NUGGC: variants seen among roughly 807,000 people sequenced by gnomAD.
NUGGC encodes the protein nuclear GTPase, germinal center associated, also known as nuclear GTPase SLIP-GC.
NUGGC carries 58 observed loss-of-function variants against 92.6 expected under a neutral mutation model. The ratio of observed to expected loss-of-function variants is 0.63; its 90% confidence interval spans 0.51 to 0.78. The LOEUF is 0.78. NUGGC is among the 30% of genes least tolerant of loss of function. NUGGC has a pLI of 0.00. For missense variants in NUGGC, 925 were observed against 964.6 expected, an observed-to-expected ratio of 0.96 and a Z score of 0.54; for synonymous variants, 376 against 366.4, an observed-to-expected ratio of 1.03 and a Z score of -0.30.
chr8:28,038,690 T>C (rs1304658115), intron 13 of NUGGC, among the ~76,000 whole-genome samples: 1 of 152,238 alleles, frequency 6.6e-6, no homozygotes, highest in African/African-American at 2.4e-5. Context: ...TGGGGATTTA[T>C]AGATGTTAAA....
chr8:28,069,632 T>C lies in NUGGC; in HGVS notation c.169A>G (p.Thr57Ala). 1 of 1,608,204 alleles carries C rather than the reference T, an allele frequency of 6.2e-7. No homozygotes were observed. The highest frequency in any genetic ancestry group is 8.5e-7 in the Non-Finnish European group (1 of 1,174,706). ...TAAGTGTTGCTCAAAACCCTTCTGG[T>C]CCGTGATTCCAATTTTTCATCTGGA... is the stretch of plus-strand genomic sequence containing the variant. ...LKEYEKLESR[T>A]RRVLSNTYQK... Residue 57 changes from threonine to alanine, a missense_variant, in exon 4 of 19, where the codon ACC (threonine) becomes GCC (alanine). Coordinates refer to ENST00000413272, the MANE Select transcript of NUGGC (RefSeq NM_001010906.2).
In NUGGC at chr8:28,022,943, C is replaced by T. The variant is rs886092003; in HGVS notation, c.*374G>A. ...AAAATTAACCGGGTGTGGTGGCAGT[C>T]GCCTATAATCCCAGCTACTTGGGAG... On this transcript the variant is annotated 3_prime_UTR_variant, in exon 19 of 19. Transcript: ENST00000413272. The T allele has an allele frequency of 8.7e-5, 14 of 161,192 alleles. No homozygotes were observed. The highest frequency in any genetic ancestry group is 1.8e-4 in the East Asian group (1 of 5,596). 10.0% of individuals were successfully genotyped at this position (161,192 alleles called of 1,614,324 possible). A position where few individuals can be genotyped will look rare whatever the true frequency, so the allele number is the denominator to read the frequency against.
intron 10 of NUGGC, among the ~76,000 whole-genome samples, chr8:28,054,680 C>T (rs937631086): frequency 1.2e-4 from 18 of 152,262 alleles, no homozygotes; most frequent in African/African-American, 3.9e-4. Flanking sequence ...CCTGTGTGAA[C>T]GGTGTTCTTG....
chr8:28,026,815 C>T (rs1809274967), intron 18 of NUGGC, 147 bp downstream of exon 18: 11 of 640,522 alleles, frequency 1.7e-5, no homozygotes, highest in Non-Finnish European at 3.1e-5. Context: ...TCGTCATCAT[C>T]TCCATTCCTT....
intron 1 of NUGGC, among the ~76,000 whole-genome samples, chr8:28,078,713 G>T (rs1354221116): frequency 1.3e-5 from 2 of 152,100 alleles, no homozygotes; most frequent in African/African-American, 4.8e-5. Context: ...GCTTCCGTGT[G>T]GCCAAGAGCA....
At chr8:28,042,767 C>G (rs769583685) in intron 12 of NUGGC, among the ~76,000 whole-genome samples, 1 of 152,150 alleles carries the variant, frequency 6.6e-6, no homozygotes, top group African/African-American at 2.4e-5. Flanking sequence ...GTGGATTGAA[C>G]GAGTGGCCCA....
intron 10 of NUGGC, among the ~76,000 whole-genome samples, chr8:28,052,266 C>A (rs1280905615): frequency 6.6e-6 from 1 of 152,186 alleles, no homozygotes; most frequent in Non-Finnish European, 1.5e-5. Flanking sequence ...CATCTTGCAA[C>A]TGCTGCAGGC....
At chr8:28,061,001 T>G (rs1358340057) in intron 7 of NUGGC, among the ~76,000 whole-genome samples, 2 of 152,190 alleles carry the variant, frequency 1.3e-5, no homozygotes, top group East Asian at 3.9e-4. Flanking sequence ...TCAAGCCCAG[T>G]GCTTGGCACA....
At chr8:28,072,151 A>T (rs1016550246) in intron 2 of NUGGC, among the ~76,000 whole-genome samples, 1 of 152,216 alleles carries the variant, frequency 6.6e-6, no homozygotes, top group Non-Finnish European at 1.5e-5. Flanking sequence ...CTCATGCTCC[A>T]CGCTCAAGCC....
intron 12 of NUGGC, among the ~76,000 whole-genome samples, chr8:28,043,296 A>T (rs1585567273): frequency 6.6e-6 from 1 of 152,380 alleles, no homozygotes; most frequent in East Asian, 1.9e-4. Flanking sequence ...TTCATTTGAC[A>T]TTGAGATGTG....
chr8:28,026,982 C>T lies in NUGGC; in HGVS notation c.2225G>A (p.Gly742Asp), dbSNP rs767566064. The change falls in exon 18 of 19, where the codon GGC (glycine) becomes GAC (aspartate). Residue 742 changes from glycine (G) to aspartate (D), a missense_variant. Coordinates refer to ENST00000413272, the MANE Select transcript of NUGGC (RefSeq NM_001010906.2). ...MLALASSQGD[G>D]LYKELADVGS... is the part of the protein sequence containing the mutation. ...TTTACCTGCAAGCTCCTTGTAGAGGCCATCCCCCTGGGACGAAGCAAGGGC... is the reference window on the plus strand; with the variant it reads ...TTTACCTGCAAGCTCCTTGTAGAGGTCATCCCCCTGGGACGAAGCAAGGGC... 30 of 1,613,080 alleles carry T rather than the reference C, an allele frequency of 1.9e-5. No individual in the cohort carries two copies. The East Asian group carries it at 4.9e-4, about 26-fold the overall frequency.
At chr8:28,028,746 G>A (rs931581396) in intron 17 of NUGGC, among the ~76,000 whole-genome samples, 8 of 152,200 alleles carry the variant, frequency 5.3e-5, no homozygotes, top group African/African-American at 1.9e-4. Flanking sequence ...AATTAAAGCT[G>A]AATGTGTGCT....
chr8:28,073,178 CT>C (rs34656742), intron 2 of NUGGC, among the ~76,000 whole-genome samples: 50 of 132,792 alleles, frequency 3.8e-4, no homozygotes, highest in Non-Finnish European at 4.7e-4. Flanking sequence ...ATTTTTTTTT[CT>C]TTTTTTTTTT....
intron 1 of NUGGC, among the ~76,000 whole-genome samples, chr8:28,075,147 G>C (rs1293096448): frequency 1.3e-5 from 2 of 152,168 alleles, no homozygotes; most frequent in Non-Finnish European, 2.9e-5. Flanking sequence ...AATCTGGGAG[G>C]TGGAACATTA....
intron 9 of NUGGC, among the ~76,000 whole-genome samples, chr8:28,057,330 C>CTTTTT (rs57167648): frequency 4.8e-4 from 59 of 123,992 alleles, no homozygotes; most frequent in African/African-American, 1.0e-3. Context: ...ATTTTCTTTC[C>CTTTTT]TTTTTTTTTT....
In NUGGC at chr8:28,061,605, C is replaced by T. The variant is rs17058550; in HGVS notation, c.922-1004G>A. Among the ~76,000 whole-genome samples, 366 of 152,318 alleles carry T rather than the reference C, an allele frequency of 2.4e-3. 6 individuals are homozygous for T. Among genetic ancestry groups the T allele is most frequent in the East Asian group, 0.019 (97 of 5,178 alleles). On this transcript the variant is annotated intron_variant, in intron 7 of 18. Transcript: ENST00000413272. The stretch of plus-strand genomic sequence containing the variant: ...CTCCAATTTGTGATGATTCAGCTTA[C>T]AATTTTTCTTTTCGACTTTACAATG...
At chr8:28,060,286 G>A in intron 8 of NUGGC, 140 bp downstream of exon 8, 1 of 868,726 alleles carries the variant, frequency 1.2e-6, no homozygotes. Flanking sequence ...AAGTCACCCA[G>A]CCTTTTCTTT....
chr8:28,041,012 T>C (rs1351728442), intron 13 of NUGGC, 39 bp downstream of exon 13: 3 of 1,556,812 alleles, frequency 1.9e-6, no homozygotes, highest in Non-Finnish European at 2.6e-6. Flanking sequence ...CGGGCAGGCC[T>C]CCTGGAATAT....
intron 15 of NUGGC, 105 bp from the exon 16 acceptor site, chr8:28,030,523 G>A (rs1809390877): frequency 1.5e-6 from 1 of 684,498 alleles, no homozygotes; most frequent in Non-Finnish European, 2.7e-6. Context: ...CACCTTATAT[G>A]ATGCCCAGTT....
Sources: allele counts gnomAD v4.1 joint callset (sites outside exome capture counted in the v4.1 genomes callset), GRCh38; gene constraint gnomAD v4.1.1; transcripts MANE v1.5; gene names NCBI Gene and HGNC (gene_info 2026-07-23, HGNC 2026-07-21).